Variants in ADCY1 observed in about 807,000 individuals in gnomAD.
ADCY1 encodes the protein adenylate cyclase 1, also known as adenylate cyclase type 1.
In ADCY1, 28 loss-of-function variants were observed where a neutral mutation model predicts 105.4. That is an observed-to-expected ratio of 0.27 (90% CI 0.20 to 0.36). ADCY1 has a LOEUF of 0.36. Among genes scored for constraint, ADCY1 ranks in the 10% least tolerant of loss-of-function variants. The probability of loss-of-function intolerance (pLI) is 1.00; values close to 1 mark genes in which losing one functional copy is unlikely to be tolerated. For synonymous variants in ADCY1, 655 were observed against 623.8 expected (o/e 1.05, Z -0.75); for missense variants, 977 against 1,434.2 (o/e 0.68, Z 5.15).
chr7:45,607,680 C>T (rs1301001370), intron 2 of ADCY1, among the ~76,000 whole-genome samples: 3 of 152,174 alleles, frequency 2.0e-5, no homozygotes, highest in Non-Finnish European at 2.9e-5. Flanking sequence ...TTAGCTTCCA[C>T]TCGTAAGTGA....
At chr7:45,706,512 A>AAAAAAG (rs1554332713) in intron 17 of ADCY1, among the ~76,000 whole-genome samples, 9 of 135,448 alleles carry the variant, frequency 6.6e-5, no homozygotes, top group East Asian at 2.2e-4. Flanking sequence ...AAAAAAAAAA[A>AAAAAAG]AGAATATAGA....
chr7:45,619,806 C>T (rs747432465), intron 3 of ADCY1, among the ~76,000 whole-genome samples: 9 of 152,168 alleles, frequency 5.9e-5, no homozygotes, highest in Non-Finnish European at 1.2e-4. Flanking sequence ...GGAGATCTAA[C>T]ATGCGGCATG....
At chr7:45,707,848 A>G (rs1239287050) in intron 17 of ADCY1, among the ~76,000 whole-genome samples, 1 of 152,238 alleles carries the variant, frequency 6.6e-6, no homozygotes, top group African/African-American at 2.4e-5. Context: ...TTTAAAAAGC[A>G]TTAGTTTCCT....
At chr7:45,687,128 C>T (rs1428335020) in intron 14 of ADCY1, among the ~76,000 whole-genome samples, 1 of 152,092 alleles carries the variant, frequency 6.6e-6, no homozygotes, top group Non-Finnish European at 1.5e-5. Flanking sequence ...GGGGGCTGGA[C>T]GTCTATATTT....
intron 4 of ADCY1, among the ~76,000 whole-genome samples, chr7:45,628,991 G>A (rs77948733): frequency 0.013 from 2,042 of 152,218 alleles, 27 homozygotes; most frequent in South Asian, 0.059. Context: ...ATATGTGTAC[G>A]GTTCTGTTCA....
At position 45,591,089 on chromosome 7, in the gene ADCY1, ACCGTTGGT is replaced by A. The variant is rs1297218782; in HGVS notation, c.640-1667_640-1660del. Among the ~76,000 whole-genome samples, 1 of 151,900 alleles carries A rather than the reference ACCGTTGGT, an allele frequency of 6.6e-6. No homozygotes were observed. Among genetic ancestry groups the A allele is most frequent in the Non-Finnish European group, 1.5e-5 (1 of 67,946 alleles). ...TGATGTTGTTTCCAGATTGCATGTG[ACCGTTGGT>A]CCTAGGTTTGTTTTCCAGCCTCCTG... On this transcript the variant is annotated intron_variant, in intron 1 of 19. Transcript: ENST00000297323. The surrounding 1 kb of genome is among the most constrained non-coding windows in gnomAD (Gnocchi z 4.1).
At chr7:45,691,028 C>G (rs1418721415) in intron 14 of ADCY1, among the ~76,000 whole-genome samples, 1 of 152,182 alleles carries the variant, frequency 6.6e-6, no homozygotes, top group Non-Finnish European at 1.5e-5. Flanking sequence ...CAGATTTGGG[C>G]CTTGGCTATG....
chr7:45,593,540 C>T (rs1165370097), intron 2 of ADCY1, among the ~76,000 whole-genome samples: 1 of 152,204 alleles, frequency 6.6e-6, no homozygotes, highest in Non-Finnish European at 1.5e-5. Context: ...TCTCTGTCTG[C>T]TGCGCGGGGC....
intron 1 of ADCY1, among the ~76,000 whole-genome samples, chr7:45,579,268 A>C (rs551288572): frequency 4.2e-4 from 64 of 152,124 alleles, no homozygotes; most frequent in African/African-American, 1.4e-3. Context: ...CCCTGTGCCC[A>C]CTGCCCAACA....
At chr7:45,702,960 T>TCCTAAGG (rs1327839524) in intron 14 of ADCY1, among the ~76,000 whole-genome samples, 4 of 152,318 alleles carry the variant, frequency 2.6e-5, no homozygotes, top group East Asian at 1.9e-4. Context: ...TAGGAAGGTG[T>TCCTAAGG]CTGCCCCACC....
chr7:45,610,817 T>G (rs796672456), intron 3 of ADCY1, among the ~76,000 whole-genome samples: 13 of 48,704 alleles, frequency 2.7e-4, no homozygotes, highest in South Asian at 5.8e-4. Flanking sequence ...ATGGTGGAGG[T>G]ATGGAGGTGA....
intron 6 of ADCY1, among the ~76,000 whole-genome samples, chr7:45,659,048 G>A (rs1795019374): frequency 6.6e-6 from 1 of 152,210 alleles, no homozygotes; most frequent in Non-Finnish European, 1.5e-5. Flanking sequence ...ACCTGCCTGT[G>A]CTGCCCTCTG....
intron 14 of ADCY1, among the ~76,000 whole-genome samples, chr7:45,693,539 A>G (rs12702176): frequency 0.58 from 84,814 of 146,824 alleles, 25,396 homozygotes; most frequent in South Asian, 0.79. Flanking sequence ...TCAGAGATTC[A>G]ACTTCTTCCT....
intron 8 of ADCY1, among the ~76,000 whole-genome samples, chr7:45,672,508 A>G (rs1223296614): frequency 6.6e-6 from 1 of 152,038 alleles, no homozygotes; most frequent in Non-Finnish European, 1.5e-5. Flanking sequence ...TGAGGTGTTC[A>G]GCATACGAGA....
chr7:45,697,386 CTTTTTTTTT>C (rs34522967), intron 14 of ADCY1, among the ~76,000 whole-genome samples: 1 of 108,264 alleles, frequency 9.2e-6, no homozygotes, highest in Non-Finnish European at 1.8e-5. Flanking sequence ...CTCTCTTTAC[CTTTTTTTTT>C]TTTTTTTTTT....
chr7:45,636,665 C>G (rs1278287314), intron 4 of ADCY1, among the ~76,000 whole-genome samples: 3 of 152,156 alleles, frequency 2.0e-5, no homozygotes, highest in African/African-American at 7.2e-5. Context: ...CTCAACCTCT[C>G]TAGTAGCTGG....
intron 2 of ADCY1, 96 bp from the exon 3 acceptor site, chr7:45,610,283 C>T: frequency 9.0e-7 from 1 of 1,116,024 alleles, no homozygotes. Flanking sequence ...CCTACCCAGG[C>T]TCAGGGGCCC....
chr7:45,623,783 G>A (rs1793973328), intron 4 of ADCY1, among the ~76,000 whole-genome samples: 1 of 152,190 alleles, frequency 6.6e-6, no homozygotes, highest in African/African-American at 2.4e-5. Flanking sequence ...ATGGGCACAG[G>A]AAGTCTCCTC....
chr7:45,643,270 ATTT>A (rs11313310), intron 4 of ADCY1, among the ~76,000 whole-genome samples: 1 of 149,240 alleles, frequency 6.7e-6, no homozygotes, highest in Non-Finnish European at 1.5e-5. Flanking sequence ...TTGAGATAGG[ATTT>A]TTTTTTTAGG....
Sources: allele counts gnomAD v4.1 joint callset (sites outside exome capture counted in the v4.1 genomes callset), GRCh38; gene constraint gnomAD v4.1.1; non-coding constraint Gnocchi (gnomAD v3.1); transcripts MANE v1.5; gene names NCBI Gene and HGNC (gene_info 2026-07-23, HGNC 2026-07-21).